Variants in UGT1A7 observed in about 807,000 individuals in gnomAD.
The protein encoded by UGT1A7 is UDP glucuronosyltransferase family 1 member A7.
A neutral mutation model predicts 45.6 loss-of-function variants in UGT1A7; 33 were observed. That is an observed-to-expected ratio of 0.72 (90% CI 0.55 to 0.97). The LOEUF (loss-of-function observed/expected upper bound fraction) is 0.97. Among genes scored for constraint, UGT1A7 ranks in the 50% least tolerant of loss-of-function variants. The probability of loss-of-function intolerance (pLI) is 0.00; values close to 1 mark genes in which losing one functional copy is unlikely to be tolerated. For missense variants in UGT1A7, 684 were observed against 666.2 expected (o/e 1.03, Z -0.29); for synonymous variants, 274 against 250.6 (o/e 1.09, Z -0.88).
chr2:233,715,759 G>A (rs893076228), intron 1 of UGT1A7, among the ~76,000 whole-genome samples: 9 of 152,150 alleles, frequency 5.9e-5, no homozygotes, highest in South Asian at 2.1e-4. Context: ...GTGACAGAGC[G>A]AGGACCCATC....
intron 1 of UGT1A7, chr2:233,721,856 C>T (rs902057829): frequency 1.4e-5 from 7 of 510,102 alleles, no homozygotes; most frequent in South Asian, 4.2e-5. Context: ...CCCCACTGCT[C>T]GGCCCTGGGC....
chr2:233,719,372 C>T lies in UGT1A7; in HGVS notation c.855+36580C>T, dbSNP rs374656877. 246 of 1,613,844 alleles carry T rather than the reference C, an allele frequency of 1.5e-4. No individual in the cohort carries two copies. In the Middle Eastern group the frequency reaches 2.5e-3, roughly 16 times the overall value. ...TTCCATGTGACTTAGACTTTAAGGG[C>T]ACACAGTGTCCAAATCCTTCCTCCT... is the stretch of plus-strand genomic sequence containing the variant. On this transcript the variant is annotated intron_variant, in intron 1 of 4. Coordinates refer to ENST00000373426, the MANE Select transcript of UGT1A7 (RefSeq NM_019077.3).
intron 1 of UGT1A7, among the ~76,000 whole-genome samples, chr2:233,757,560 A>ATT (rs904896556): frequency 8.1e-6 from 1 of 123,146 alleles, no homozygotes; most frequent in African/African-American, 3.4e-5. Flanking sequence ...ATATATATAT[A>ATT]TGTATATATG....
At chr2:233,688,499 C>A (rs377365322) in intron 1 of UGT1A7, among the ~76,000 whole-genome samples, 3 of 152,154 alleles carry the variant, frequency 2.0e-5, no homozygotes, top group African/African-American at 7.2e-5. Context: ...TTGGGAATGT[C>A]ACATGCAGTG....
At chr2:233,688,422 C>T (rs1255544114) in intron 1 of UGT1A7, among the ~76,000 whole-genome samples, 1 of 152,236 alleles carries the variant, frequency 6.6e-6, no homozygotes, top group Non-Finnish European at 1.5e-5. Context: ...ATGTGCCTAA[C>T]CTCTATACCT....
rs1357071651 is a variant in UGT1A7, at chr2:233,768,553, A to G, written c.1295+114A>G. The G allele has an allele frequency of 2.0e-6, 3 of 1,477,264 alleles. No individual in the cohort carries two copies. The Admixed American group carries it at 8.1e-5, about 40-fold the overall frequency. 91.5% of individuals were successfully genotyped at this position (1,477,264 alleles called of 1,614,324 possible). A position where few individuals can be genotyped will look rare whatever the true frequency, so the allele number is the denominator to read the frequency against. On this transcript the variant is annotated intron_variant, in intron 4 of 4. Coordinates refer to ENST00000373426, the MANE Select transcript of UGT1A7 (RefSeq NM_019077.3). ...AGCGTTGTTTCAAATATAAAAACAA[A>G]TACATAAAAATCTGGATTTTTATTT...
rs1285354199 is a variant in UGT1A7 at position 233,768,247 on chromosome 2, C to T, written c.1103C>T (p.Thr368Ile). The part of the protein sequence containing the change: ...LGHPMTRAFI[T>I]HAGSHGVYES... ...CACCCGATGACCCGTGCCTTTATCA[C>T]CCATGCTGGTTCCCATGGTGTTTAT... Residue 368 changes from threonine to isoleucine, a missense_variant, in exon 4 of 5, where the codon ACC (threonine) becomes ATC (isoleucine). By Grantham distance (89) the Thr-to-Ile change is moderately conservative (BLOSUM62 -1). Coordinates refer to ENST00000373426, the MANE Select transcript of UGT1A7 (RefSeq NM_019077.3). 4 of 1,614,056 alleles carry T rather than the reference C, an allele frequency of 2.5e-6. No individual in the cohort carries two copies. Among genetic ancestry groups the T allele is most frequent in the Non-Finnish European group, 3.4e-6 (4 of 1,180,046 alleles).
intron 1 of UGT1A7, chr2:233,718,959 G>A: frequency 9.3e-6 from 15 of 1,614,212 alleles, no homozygotes; most frequent in Non-Finnish European, 1.3e-5. Context: ...CATGCGGGAG[G>A]CCTTGCGGGA....
rs2074557589 is a variant in UGT1A7, at chr2:233,682,095, A to C, written c.158A>C (p.His53Pro). ...GTGGAGAAACTCATCCTCAGGGGGC[A>C]TGAGGTGGTCGTAGTCATGCCAGAG... is the stretch of plus-strand genomic sequence containing the variant. ...SVVEKLILRG[H>P]EVVVVMPEVS... The change falls in exon 1 of 5, where the codon CAT becomes CCT. Residue 53 changes from histidine (H) to proline (P), a missense_variant. His to Pro is a moderately conservative substitution (Grantham distance 77, BLOSUM62 -2). Coordinates refer to ENST00000373426, the MANE Select transcript of UGT1A7 (RefSeq NM_019077.3). 1.2e-6 allele frequency: 2 copies of C among 1,614,146 alleles called. No individual in the cohort carries two copies. Among genetic ancestry groups the C allele is most frequent in the Non-Finnish European group, 8.5e-7 (1 of 1,180,018 alleles).
chr2:233,764,699 G>A (rs1698625659), intron 1 of UGT1A7, among the ~76,000 whole-genome samples: 1 of 152,188 alleles, frequency 6.6e-6, no homozygotes, highest in African/African-American at 2.4e-5. Flanking sequence ...ACTTGGAAAT[G>A]AGCTGTGTCT....
At chr2:233,730,660 G>A (rs979166401) in intron 1 of UGT1A7, among the ~76,000 whole-genome samples, 21 of 152,010 alleles carry the variant, frequency 1.4e-4, no homozygotes, top group African/African-American at 5.1e-4. Flanking sequence ...CTCAGAGTTC[G>A]GAAGGCAAAG....
chr2:233,713,198 C>G lies in UGT1A7; in HGVS notation c.855+30406C>G, dbSNP rs540897333. ...TCACCCTGGAGGTGAATATGTACAT[C>G]AAAGAAGAGAACTTTTTCACCCTGA... On this transcript the variant is annotated intron_variant, in intron 1 of 4. Transcript: ENST00000373426. 1.4e-5 allele frequency: 23 copies of G among 1,614,218 alleles called. 1 individual carries two copies. The highest frequency in any genetic ancestry group is 1.2e-4 in the African/African-American group (9 of 75,058).
At chr2:233,734,022 G>T (rs1181978921) in intron 1 of UGT1A7, among the ~76,000 whole-genome samples, 1 of 151,928 alleles carries the variant, frequency 6.6e-6, no homozygotes, top group Non-Finnish European at 1.5e-5. Context: ...CGAGTTAATG[G>T]GTGCAGCACA....
At chr2:233,708,902 GTTAGGTA>G (rs1432720061) in intron 1 of UGT1A7, among the ~76,000 whole-genome samples, 1 of 152,038 alleles carries the variant, frequency 6.6e-6, no homozygotes, top group Non-Finnish European at 1.5e-5. Flanking sequence ...GGGCTATCTG[GTTAGGTA>G]TTGCTTGCTA....
rs763166349 is a variant in UGT1A7, at chr2:233,729,716, T to C, written c.856-37318T>C. On this transcript the variant is annotated intron_variant, in intron 1 of 4. Coordinates refer to ENST00000373426, the MANE Select transcript of UGT1A7 (RefSeq NM_019077.3). ...AACCCTTCCTCCTATATTCCTAGAT[T>C]ACTAACAACCAATTCAGACCACATG... 5.6e-6 allele frequency: 9 copies of C among 1,613,852 alleles called. No individual in the cohort carries two copies. The African/African-American group carries it at 9.3e-5, about 17-fold the overall frequency.
intron 1 of UGT1A7, among the ~76,000 whole-genome samples, chr2:233,714,723 TAA>T (rs2076408415): frequency 6.6e-6 from 1 of 152,238 alleles, no homozygotes; most frequent in South Asian, 2.1e-4. Flanking sequence ...TTTTTGTTGT[TAA>T]GTCTTCAAAA....
At chr2:233,724,339 G>GA in intron 1 of UGT1A7, among the ~76,000 whole-genome samples, 1 of 142,786 alleles carries the variant, frequency 7.0e-6, no homozygotes, top group East Asian at 2.2e-4. Context: ...GCGGGGGGCT[G>GA]ACCCCCCCCA....
At chr2:233,713,286 T>G (rs2076302017) in intron 1 of UGT1A7, 2 of 1,614,222 alleles carry the variant, frequency 1.2e-6, no homozygotes, top group Non-Finnish European at 1.7e-6. Context: ...TCACACTCAA[T>G]CGTTCTTTGA....
chr2:233,682,856 C>A, intron 1 of UGT1A7, 64 bp downstream of exon 1: 1 of 1,534,046 alleles, frequency 6.5e-7, no homozygotes, highest in Non-Finnish European at 8.7e-7. Flanking sequence ...AGATTTCTTA[C>A]AGAATCATAA....
Sources: allele counts gnomAD v4.1 joint callset (sites outside exome capture counted in the v4.1 genomes callset), GRCh38; gene constraint gnomAD v4.1.1; transcripts MANE v1.5; gene names NCBI Gene and HGNC (gene_info 2026-07-23, HGNC 2026-07-21).